The following RELN variants were observed in gnomAD, a reference collection of about 807,000 sequenced individuals.
RELN encodes reelin.
Under a neutral mutation model 427.6 loss-of-function variants are expected in RELN, and 108 were observed. The observed-to-expected ratio is 0.25, with a 90% confidence interval of 0.22 to 0.30. The LOEUF is 0.30. Ranked by LOEUF, RELN falls within the 10% of genes least tolerant of loss-of-function variation. The pLI is 1.00. For missense variants in RELN, 3,715 were observed against 4,302.8 expected, an observed-to-expected ratio of 0.86 and a Z score of 3.82; for synonymous variants, 1,524 against 1,513.4, an observed-to-expected ratio of 1.01 and a Z score of -0.16.
chr7:103,689,436 A>G (rs117870950), intron 10 of RELN, among the ~76,000 whole-genome samples: 1,781 of 152,254 alleles, frequency 0.012, 16 homozygotes, highest in Non-Finnish European at 0.016. Flanking sequence ...ACGATAGCTG[A>G]GCAGATATAA....
rs754350046 is a variant in RELN, at chr7:103,589,628, G to A, written c.4113C>T (p.Ile1371=). ...CAAGAGACCTTGGAATAACAATGGT[G>A]ATTCTTGTCCATTCTTCAAAGTCCC... ...HTGDFEEWTR[I]TIVIPRSLAS... is the part of the protein sequence containing the mutation. Residue 1371 remains isoleucine (I), a synonymous_variant, in exon 28 of 65, where the codon ATC becomes ATT. Coordinates refer to ENST00000428762, the MANE Select transcript of RELN (RefSeq NM_005045.4). The A allele has an allele frequency of 1.2e-6, 2 of 1,613,530 alleles. No homozygotes were observed. The highest frequency in any genetic ancestry group is 1.1e-5 in the South Asian group (1 of 91,062).
intron 1 of RELN, among the ~76,000 whole-genome samples, chr7:103,969,453 C>T (rs10245730): frequency 0.16 from 25,061 of 152,086 alleles, 2,138 homozygotes; most frequent in Middle Eastern, 0.29. Flanking sequence ...CAATTACATT[C>T]GTAGATGCCA....
Position 103,602,145 on chromosome 7 carries a change from C to G in RELN, c.3333+1159G>C, listed in dbSNP as rs79545781. On this transcript the variant is annotated intron_variant, in intron 24 of 64. Transcript: ENST00000428762. ...TTAATAAACACATACAGAAGTGCTT[C>G]CTATATGTTATGAAGTGTTCTACAT... 7.6e-4 allele frequency among the ~76,000 whole-genome samples: 116 copies of G among 152,294 alleles called. No individual in the cohort carries two copies. The South Asian group carries it at 0.012, about 16-fold the overall frequency.
intron 60 of RELN, among the ~76,000 whole-genome samples, chr7:103,489,336 T>C (rs372076464): frequency 6.6e-6 from 1 of 151,704 alleles, no homozygotes; most frequent in South Asian, 2.1e-4. Context: ...GGGATACTGG[T>C]CAAGTATGTA....
chr7:103,487,458 T>TAA (rs11371972), intron 60 of RELN, among the ~76,000 whole-genome samples: 28,749 of 127,504 alleles, frequency 0.23, 3,209 homozygotes, highest in South Asian at 0.36. Flanking sequence ...GTTGTTACAG[T>TAA]AAAAAAAAAA....
rs752768228 is a variant in RELN, at chr7:103,483,714, T to C, written c.10120A>G (p.Ile3374Val). 1.9e-5 allele frequency: 31 copies of C among 1,614,056 alleles called. No homozygotes were observed. The highest frequency in any genetic ancestry group is 2.5e-5 in the Non-Finnish European group (29 of 1,180,020). ...SVNNGITWHV[I>V]AQHQPKDFTQ... is the part of the protein sequence containing the mutation. ...AAGTCCTTTGGCTGGTGCTGGGCGA[T>C]GACATGCCAGGTGATCCCGTTGTTG... The change falls in exon 62 of 65, where the codon ATC (isoleucine) becomes GTC (valine). Residue 3374 changes from isoleucine (I) to valine (V), a missense_variant. This residue lies in a region of RELN where 195 missense variants were observed against 281.3 expected (regional missense o/e 0.69). Coordinates refer to ENST00000428762, the MANE Select transcript of RELN (RefSeq NM_005045.4).
chr7:103,721,516 G>A lies in RELN; in HGVS notation c.805+1624C>T, dbSNP rs112976890. Among the ~76,000 whole-genome samples, 145 of 152,116 alleles carry A rather than the reference G, an allele frequency of 9.5e-4. 1 individual carries two copies. Among genetic ancestry groups the A allele is most frequent in the African/African-American group, 3.4e-3 (141 of 41,494 alleles). ...TTCTTGGTACTTTTTCATCAAGTCT[G>A]TTGTAATTGGTACAAATGAAAGGCA... is the stretch of plus-strand genomic sequence containing the variant. On this transcript the variant is annotated intron_variant, in intron 8 of 64. Transcript: ENST00000428762.
At chr7:103,703,784 GGAAAGGTAATGGA>G (rs1329002894) in intron 8 of RELN, among the ~76,000 whole-genome samples, 15 of 152,170 alleles carry the variant, frequency 9.9e-5, no homozygotes, top group Admixed American at 9.8e-4. Flanking sequence ...TGTTGAAGGA[GGAAAGGTAATGGA>G]GAACTTTGGC....
chr7:103,637,635 T>A (rs1255851170), intron 17 of RELN, among the ~76,000 whole-genome samples: 1 of 152,220 alleles, frequency 6.6e-6, no homozygotes, highest in Non-Finnish European at 1.5e-5. Flanking sequence ...TCTTGGTATC[T>A]TAAGTAGCAT....
At chr7:103,853,762 TTATA>T (rs1203670968) in intron 2 of RELN, among the ~76,000 whole-genome samples, 3 of 152,008 alleles carry the variant, frequency 2.0e-5, no homozygotes, top group Non-Finnish European at 4.4e-5. Context: ...CATGAGTTTA[TTATA>T]TAATTTGTAG....
intron 61 of RELN, among the ~76,000 whole-genome samples, chr7:103,484,934 G>A (rs1350943262): frequency 6.6e-6 from 1 of 152,160 alleles, no homozygotes; most frequent in African/African-American, 2.4e-5. Context: ...TGCAGGTTCT[G>A]AACCATGTCT....
intron 11 of RELN, among the ~76,000 whole-genome samples, chr7:103,676,366 C>A (rs1363401788): frequency 5.3e-5 from 8 of 152,024 alleles, no homozygotes; most frequent in Non-Finnish European, 1.0e-4. Flanking sequence ...GTTAGAATGG[C>A]AATCATTAAA....
At chr7:103,630,870 TTTTTG>T (rs1832447244) in intron 19 of RELN, among the ~76,000 whole-genome samples, 1 of 150,450 alleles carries the variant, frequency 6.6e-6, no homozygotes, top group East Asian at 1.9e-4. Context: ...GTTTTTTTTT[TTTTTG>T]TTTTTTAACT....
In RELN at chr7:103,831,684, T is replaced by C. The variant is rs189493397; in HGVS notation, c.473+1853A>G. On this transcript the variant is annotated intron_variant, in intron 3 of 64. Coordinates refer to ENST00000428762, the MANE Select transcript of RELN (RefSeq NM_005045.4). ...GAAAGTTACAGAATCTGTAAGGGAA[T>C]TGTGGGAAGGCCTGCCAGTTCAGGC... Among the ~76,000 whole-genome samples, 21 of 152,176 alleles carry C rather than the reference T, an allele frequency of 1.4e-4. No homozygotes were observed. The East Asian group carries it at 3.7e-3, about 27-fold the overall frequency.
intron 1 of RELN, among the ~76,000 whole-genome samples, chr7:103,928,363 A>AT (rs1270954025): frequency 6.6e-6 from 1 of 152,208 alleles, no homozygotes; most frequent in Non-Finnish European, 1.5e-5. Flanking sequence ...AAAACTTTCA[A>AT]TCACCTGAGA....
At chr7:103,502,991 G>C in intron 52 of RELN, 25 bp downstream of exon 52, 1 of 1,590,680 alleles carries the variant, frequency 6.3e-7, no homozygotes, top group Non-Finnish European at 8.6e-7. Flanking sequence ...CTTGGAACCA[G>C]GCTTTGTTTT....
chr7:103,887,885 C>T (rs3857815), intron 2 of RELN, among the ~76,000 whole-genome samples: 118,909 of 151,980 alleles, frequency 0.78, 46,563 homozygotes, highest in East Asian at 0.87. Context: ...CTAGGAAGAA[C>T]ATGCTCATCT....
At chr7:103,686,565 T>G (rs1833768514) in intron 10 of RELN, among the ~76,000 whole-genome samples, 1 of 151,170 alleles carries the variant, frequency 6.6e-6, no homozygotes, top group South Asian at 2.1e-4. Context: ...TAAAATTAAT[T>G]AAAATGGCAT....
intron 37 of RELN, 31 bp downstream of exon 37, chr7:103,557,934 T>C (rs1830561234): frequency 4.9e-6 from 5 of 1,029,306 alleles, no homozygotes; most frequent in South Asian, 3.8e-5. Flanking sequence ...GGGAGAATTC[T>C]CTTGAAGGAA....
Sources: gnomAD v4.1 joint callset for allele counts (sites outside exome capture counted in the v4.1 genomes callset) on GRCh38, gnomAD v4.1.1 for gene constraint, gnomAD v4.1.1 regional missense constraint, MANE v1.5 for transcripts, NCBI Gene and HGNC (gene_info 2026-07-23, HGNC 2026-07-21) for gene names.